The following GPC3 variants were observed in gnomAD, a reference collection of about 807,000 sequenced individuals.
The protein encoded by GPC3 is glypican-3.
A neutral mutation model predicts 34.4 loss-of-function variants in GPC3; 3 were observed. The observed-to-expected ratio is 0.09, with a 90% CI of 0.04 to 0.23. The LOEUF is 0.23. GPC3 is among the 10% of genes least tolerant of loss of function. GPC3 has a pLI of 1.00. For missense variants in GPC3, 351 were observed against 445.6 expected (o/e 0.79, Z 1.91); for synonymous variants, 177 against 174.0 (o/e 1.02, Z -0.13).
At chrX:133,905,320 T>C (rs2076163378) in intron 2 of GPC3, among the ~76,000 whole-genome samples, 1 of 112,437 alleles carries the variant, frequency 8.9e-6, no homozygotes, top group Non-Finnish European at 1.9e-5. Flanking sequence ...TCTCTATCTA[T>C]ATGGAGATCA....
At chrX:133,850,928 C>T (rs1159840528) in intron 2 of GPC3, among the ~76,000 whole-genome samples, 1 of 94,592 alleles carries the variant, frequency 1.1e-5, no homozygotes, top group Non-Finnish European at 2.0e-5. Context: ...AACCCCATCT[C>T]TACTAAAAAT....
At position 133,737,913 on chromosome X, in the gene GPC3, T is replaced by C. The variant is rs141796344; in HGVS notation, c.1032+15569A>G. ...TGGGGCAATGATAACATTAAGTAAA[T>C]ACTGCAGAAGACATATGTCTGGAAA... is the stretch of plus-strand genomic sequence containing the variant. On this transcript the variant is annotated intron_variant, in intron 3 of 7. Transcript: ENST00000370818. Among the ~76,000 whole-genome samples the C allele has an allele frequency of 5.1e-3, 573 of 111,717 alleles. 3 individuals carry two copies. The highest frequency in any genetic ancestry group is 0.018 in the African/African-American group (537 of 30,671).
chrX:133,856,081 G>A (rs2075899679), intron 2 of GPC3, among the ~76,000 whole-genome samples: 2 of 112,060 alleles, frequency 1.8e-5, no homozygotes, highest in African/African-American at 6.5e-5. Flanking sequence ...ATGAACATGA[G>A]AGTGCAGATA....
At chrX:133,765,423 A>T (rs186232690) in intron 2 of GPC3, among the ~76,000 whole-genome samples, 1 of 112,211 alleles carries the variant, frequency 8.9e-6, no homozygotes, top group Non-Finnish European at 1.9e-5. Flanking sequence ...AAGATTCTGC[A>T]CCTTAAAAAA....
chrX:133,753,425 TG>T, intron 3 of GPC3, 56 bp downstream of exon 3: 1 of 937,072 alleles, frequency 1.1e-6, no homozygotes, highest in Non-Finnish European at 1.6e-6. Context: ...TACCTGCTAC[TG>T]GCCACCTCAC....
chrX:133,963,683 G>A (rs2076451091), intron 1 of GPC3, among the ~76,000 whole-genome samples: 1 of 111,454 alleles, frequency 9.0e-6, no homozygotes, highest in East Asian at 2.8e-4. Context: ...CTAACAATGT[G>A]TTTTGCAATC....
chrX:133,928,300 GTTTC>G (rs2076284114), intron 2 of GPC3, among the ~76,000 whole-genome samples: 1 of 111,791 alleles, frequency 8.9e-6, no homozygotes, highest in African/African-American at 3.2e-5. Flanking sequence ...TCATGAAACA[GTTTC>G]TTTATCAATT....
At chrX:133,540,868 G>A (rs2069334029) in intron 7 of GPC3, among the ~76,000 whole-genome samples, 1 of 108,946 alleles carries the variant, frequency 9.2e-6, no homozygotes, top group Admixed American at 1.0e-4. Context: ...TTCAGAAGCA[G>A]CAAGTAGCCT....
intron 2 of GPC3, among the ~76,000 whole-genome samples, chrX:133,871,712 C>A (rs911290695): frequency 5.4e-5 from 6 of 111,880 alleles, no homozygotes; most frequent in African/African-American, 2.0e-4. Context: ...AGTGGAAGTT[C>A]ATCATCCTCA....
chrX:133,557,842 A>G (rs1044486991), intron 7 of GPC3, among the ~76,000 whole-genome samples: 9 of 111,914 alleles, frequency 8.0e-5, no homozygotes, highest in Non-Finnish European at 1.5e-4. Flanking sequence ...CTGCATAAGA[A>G]GCAGGCAACA....
intron 2 of GPC3, among the ~76,000 whole-genome samples, chrX:133,898,164 T>C (rs1156602526): frequency 5.4e-5 from 6 of 111,808 alleles, no homozygotes; most frequent in Non-Finnish European, 9.4e-5. Context: ...CTTCCCACTT[T>C]GGTAATATAG....
intron 7 of GPC3, among the ~76,000 whole-genome samples, chrX:133,577,325 GC>G (rs2069693392): frequency 8.9e-6 from 1 of 112,422 alleles, no homozygotes; most frequent in South Asian, 3.7e-4. Context: ...AAAGCGCTTT[GC>G]AAAGCATGAA....
intron 2 of GPC3, among the ~76,000 whole-genome samples, chrX:133,942,848 A>G (rs781133207): frequency 1.8e-5 from 2 of 112,079 alleles, no homozygotes; most frequent in African/African-American, 6.5e-5. Flanking sequence ...ATTCTTTCTA[A>G]TGAACCTATG....
intron 2 of GPC3, among the ~76,000 whole-genome samples, chrX:133,771,254 G>A (rs2071916329): frequency 8.9e-6 from 1 of 112,701 alleles, no homozygotes; most frequent in Non-Finnish European, 1.9e-5. Flanking sequence ...TTTTAAATGG[G>A]CATTTGAAAA....
chrX:133,985,574 A>G lies in GPC3; in HGVS notation c.-125T>C, dbSNP rs1314867120. ...GACGTGCTGCTACCCAGCCGCTGCA[A>G]AAGTTTCCTCGCAGCTACCTGGGCG... On this transcript the variant is annotated 5_prime_UTR_variant, in exon 1 of 8. Coordinates refer to ENST00000370818, the MANE Select transcript of GPC3 (RefSeq NM_004484.4). The G allele has an allele frequency of 1.4e-6, 1 of 702,950 alleles. No individual in the cohort carries two copies. The highest frequency in any genetic ancestry group is 2.1e-6 in the Non-Finnish European group (1 of 475,866). 57.9% of individuals were successfully genotyped at this position (702,950 alleles called of 1,213,427 possible).
intron 2 of GPC3, among the ~76,000 whole-genome samples, chrX:133,936,278 T>G (rs2076323346): frequency 9.4e-6 from 1 of 106,363 alleles, no homozygotes; most frequent in Non-Finnish European, 1.9e-5. Context: ...ATTACAGGAG[T>G]GAGCCACCTT....
chrX:133,899,640 C>G (rs779488994), intron 2 of GPC3, among the ~76,000 whole-genome samples: 3 of 111,099 alleles, frequency 2.7e-5, no homozygotes, highest in Non-Finnish European at 5.7e-5. Flanking sequence ...CCACCACTAC[C>G]CAACCCAGAA....
intron 7 of GPC3, among the ~76,000 whole-genome samples, chrX:133,552,961 A>C (rs2069449190): frequency 8.9e-6 from 1 of 112,038 alleles, no homozygotes; most frequent in Non-Finnish European, 1.9e-5. Flanking sequence ...ACTCACGGCT[A>C]TAAAGATGTG....
Position 133,755,780 on chromosome X carries a change from T to C in GPC3, c.338-1604A>G, listed in dbSNP as rs184321412. Reference sequence around the variant, plus strand: ...AAGCAATTCCTAGAAAGTTGCTCTATCTTATAACAACTCTCCAAACTCCAC... The same window carrying C: ...AAGCAATTCCTAGAAAGTTGCTCTACCTTATAACAACTCTCCAAACTCCAC... On this transcript the variant is annotated intron_variant, in intron 2 of 7. Coordinates refer to ENST00000370818, the MANE Select transcript of GPC3 (RefSeq NM_004484.4). Among the ~76,000 whole-genome samples, 62 of 112,248 alleles carry C rather than the reference T, an allele frequency of 5.5e-4. No homozygotes were observed. In the East Asian group the frequency reaches 9.5e-3, roughly 17 times the overall value.
Sources: allele counts gnomAD v4.1 joint callset (sites outside exome capture counted in the v4.1 genomes callset), GRCh38; gene constraint gnomAD v4.1.1; transcripts MANE v1.5; gene names NCBI Gene and HGNC (gene_info 2026-07-23, HGNC 2026-07-21).